FLACC1: variants seen among roughly 807,000 people sequenced by gnomAD.
FLACC1 encodes flagellum-associated coiled-coil domain-containing protein 1.
In FLACC1, 66 loss-of-function variants were observed where a neutral mutation model predicts 62.8. That is an observed-to-expected ratio of 1.05 (90% CI 0.86 to 1.29). The LOEUF (loss-of-function observed/expected upper bound fraction) is 1.29, where lower values mean the gene tolerates loss of function less well. Ranked by LOEUF, FLACC1 falls within the 50% of genes most tolerant of loss-of-function variation. The pLI, the probability that FLACC1 is intolerant of heterozygous loss-of-function variation, is 0.00. For synonymous variants in FLACC1, 156 were observed against 161.0 expected, an observed-to-expected ratio of 0.97 and a Z score of 0.24; for missense variants, 452 against 489.1, an observed-to-expected ratio of 0.92 and a Z score of 0.71.
At chr2:201,349,870 G>T (rs1007644157) in intron 3 of FLACC1, among the ~76,000 whole-genome samples, 1 of 152,202 alleles carries the variant, frequency 6.6e-6, no homozygotes, top group Admixed American at 6.5e-5. Flanking sequence ...CCCCTGTGGA[G>T]AGCAGTGGAT....
At position 201,351,370 on chromosome 2, in the gene FLACC1, C is replaced by T; in HGVS notation, c.35G>A (p.Trp12Ter). ...YPNPLIYCTC[W>*]DPWNLGPRKL... Reference sequence around the variant, plus strand: ...CCGTGGTCCCAAGTTCCAGGGGTCCCAGCAGGTGCAGTAGATGAGAGGGTT... The same window carrying T: ...CCGTGGTCCCAAGTTCCAGGGGTCCTAGCAGGTGCAGTAGATGAGAGGGTT... Residue 12 changes from tryptophan (W) to a stop codon, truncating the protein, a stop_gained, in exon 2 of 15, where the codon TGG (tryptophan) becomes TAG (stop). Coordinates refer to ENST00000392257, the MANE Select transcript of FLACC1 (RefSeq NM_001127391.3). LOFTEE classifies it high-confidence loss of function. 1 of 1,614,086 alleles carries T rather than the reference C, an allele frequency of 6.2e-7. No homozygotes were observed. The highest frequency in any genetic ancestry group is 8.5e-7 in the Non-Finnish European group (1 of 1,180,020).
chr2:201,359,794 T>C (rs977575232), upstream of FLACC1, among the ~76,000 whole-genome samples: 8 of 152,178 alleles, frequency 5.3e-5, no homozygotes, highest in East Asian at 1.2e-3. Context: ...AGAGAGACTT[T>C]CAAAGATTAA....
intron 7 of FLACC1, among the ~76,000 whole-genome samples, chr2:201,338,709 G>C (rs1297553087): frequency 6.6e-6 from 1 of 152,226 alleles, no homozygotes; most frequent in South Asian, 2.1e-4. Context: ...TATATATCAT[G>C]TTTATTGATT....
intron 9 of FLACC1, among the ~76,000 whole-genome samples, chr2:201,324,355 A>C (rs1476248307): frequency 6.6e-6 from 1 of 152,206 alleles, no homozygotes; most frequent in Non-Finnish European, 1.5e-5. Context: ...GCAGATTCAT[A>C]AAACAATTAC....
chr2:201,353,527 G>T (rs2125626849), intron 1 of FLACC1, among the ~76,000 whole-genome samples: 1 of 152,294 alleles, frequency 6.6e-6, no homozygotes, highest in African/African-American at 2.4e-5. Flanking sequence ...TTTCCTTAAT[G>T]AATTTTTAAC....
intron 9 of FLACC1, among the ~76,000 whole-genome samples, chr2:201,324,327 C>T (rs988150123): frequency 3.9e-5 from 6 of 152,178 alleles, no homozygotes; most frequent in Non-Finnish European, 8.8e-5. Flanking sequence ...AATTTACATG[C>T]ATCTAACACT....
At chr2:201,332,243 A>G (rs1278182169) in intron 7 of FLACC1, among the ~76,000 whole-genome samples, 1 of 151,972 alleles carries the variant, frequency 6.6e-6, no homozygotes, top group Non-Finnish European at 1.5e-5. Flanking sequence ...GAAATACTTT[A>G]AAGTTTTTTC....
chr2:201,351,400 T>A lies in FLACC1; in HGVS notation c.5A>T (p.Tyr2Phe), dbSNP rs765327826. 3.1e-6 allele frequency: 5 copies of A among 1,612,654 alleles called. No individual in the cohort carries two copies. Among genetic ancestry groups the A allele is most frequent in the Non-Finnish European group, 4.2e-6 (5 of 1,179,174 alleles). ...GGTGCAGTAGATGAGAGGGTTGGGG[T>A]ACATGGCCAAAGGTCAGGGGGAGTC... Reference protein sequence around the residue: MYPNPLIYCTCW... With the variant: MFPNPLIYCTCW... The change falls in exon 2 of 15, where the codon TAC (tyrosine) becomes TTC (phenylalanine). Residue 2 changes from tyrosine (Y) to phenylalanine (F), a missense_variant. Coordinates refer to ENST00000392257, the MANE Select transcript of FLACC1 (RefSeq NM_001127391.3).
intron 7 of FLACC1, among the ~76,000 whole-genome samples, chr2:201,339,797 G>T (rs1419550079): frequency 1.3e-5 from 2 of 152,094 alleles, no homozygotes; most frequent in East Asian, 3.9e-4. Context: ...GCATATGCTG[G>T]CATTAAGTAT....
At chr2:201,348,431 G>A in intron 3 of FLACC1, 129 bp from the exon 4 acceptor site, 4 of 858,638 alleles carry the variant, frequency 4.7e-6, no homozygotes, top group Non-Finnish European at 5.3e-6. Flanking sequence ...GGGATCCCTA[G>A]GATAGTTGGG....
chr2:201,293,133 G>T (rs9750944), intron 12 of FLACC1, among the ~76,000 whole-genome samples: 8,616 of 152,086 alleles, frequency 0.057, 687 homozygotes, highest in African/African-American at 0.17. Context: ...AGTTAACAAG[G>T]ATATCCAGGA....
Position 201,332,436 on chromosome 2 carries a change from T to G in FLACC1, c.525-1603A>C, listed in dbSNP as rs551152883. Among the ~76,000 whole-genome samples, 10 of 152,176 alleles carry G rather than the reference T, an allele frequency of 6.6e-5. No homozygotes were observed. In the South Asian group the frequency reaches 2.1e-3, roughly 32 times the overall value. ...ACCAATTTTTGTATTTTTGCAGAGATGGGTTTTCACCATGTTGGCCAGGCT... is the reference window on the plus strand; with the variant it reads ...ACCAATTTTTGTATTTTTGCAGAGAGGGGTTTTCACCATGTTGGCCAGGCT... On this transcript the variant is annotated intron_variant, in intron 7 of 14. Coordinates refer to ENST00000392257, the MANE Select transcript of FLACC1 (RefSeq NM_001127391.3).
intron 11 of FLACC1, among the ~76,000 whole-genome samples, chr2:201,301,583 C>CAG (rs1949984528): frequency 6.6e-6 from 1 of 152,094 alleles, no homozygotes; most frequent in African/African-American, 2.4e-5. Flanking sequence ...ACAGAGAATG[C>CAG]CACAAAGATA....
At chr2:201,330,928 A>G (rs1416561842) in intron 7 of FLACC1, 95 bp from the exon 8 acceptor site, 5 of 814,244 alleles carry the variant, frequency 6.1e-6, no homozygotes, top group Admixed American at 6.8e-5. Flanking sequence ...ACCCTCCCAC[A>G]GGAAGTGAGG....
At chr2:201,316,551 T>C (rs1285132801) in intron 9 of FLACC1, among the ~76,000 whole-genome samples, 3 of 151,992 alleles carry the variant, frequency 2.0e-5, no homozygotes, top group African/African-American at 7.2e-5. Flanking sequence ...AGCAGTGAGA[T>C]TGGAATGATA....
intron 9 of FLACC1, among the ~76,000 whole-genome samples, chr2:201,329,975 A>G (rs1950560128): frequency 6.6e-6 from 1 of 152,194 alleles, no homozygotes. Flanking sequence ...ATTGGAAACA[A>G]CTCAAATGCC....
chr2:201,346,149 A>G lies in FLACC1; in HGVS notation c.368+393T>C, dbSNP rs1443118521. Among the ~76,000 whole-genome samples the G allele has an allele frequency of 1.3e-5, 2 of 152,094 alleles. No homozygotes were observed. The highest frequency in any genetic ancestry group is 2.9e-5 in the Non-Finnish European group (2 of 68,008). On this transcript the variant is annotated intron_variant, in intron 5 of 14. Coordinates refer to ENST00000392257, the MANE Select transcript of FLACC1 (RefSeq NM_001127391.3). This position sits in a 1 kb window ranked among gnomAD's most constrained non-coding sequence, Gnocchi z 4.0. ...CACTAAACTCCAGCCTGGGTGGCAG[A>G]GAGAGACTCTGTCTCAAAAAAAAAA... is the stretch of plus-strand genomic sequence containing the variant.
chr2:201,363,815 G>A, the FLACC1 span, among the ~76,000 whole-genome samples: 319 of 152,282 alleles, frequency 2.1e-3, no homozygotes, highest in Non-Finnish European at 3.0e-3. Context: ...AGTTTAAGCC[G>A]CCCCCATCCC....
chr2:201,342,822 C>A (rs143252626), intron 6 of FLACC1, among the ~76,000 whole-genome samples: 26 of 152,282 alleles, frequency 1.7e-4, no homozygotes, highest in African/African-American at 6.3e-4. Flanking sequence ...TTGGAAGAGC[C>A]AAGGAGGACT....
Sources: allele counts gnomAD v4.1 joint callset (sites outside exome capture counted in the v4.1 genomes callset), GRCh38; gene constraint gnomAD v4.1.1; non-coding constraint Gnocchi (gnomAD v3.1); transcripts MANE v1.5; gene names NCBI Gene and HGNC (gene_info 2026-07-23, HGNC 2026-07-21).